Variants in ZNF273 observed in about 807,000 individuals in gnomAD.
The protein encoded by ZNF273 is zinc finger protein 9.
ZNF273 carries 11 observed loss-of-function variants against 14.9 expected under a neutral mutation model. That is an observed-to-expected ratio of 0.74 (90% CI 0.46 to 1.22). The LOEUF (loss-of-function observed/expected upper bound fraction) is 1.22, where lower values mean the gene tolerates loss of function less well. Among genes scored for constraint, ZNF273 ranks in the 50% most tolerant of loss-of-function variants. The pLI is 0.00. For synonymous variants in ZNF273, 199 were observed against 223.9 expected, an observed-to-expected ratio of 0.89 and a Z score of 0.99; for missense variants, 577 against 660.6, an observed-to-expected ratio of 0.87 and a Z score of 1.39.
chr7:64,915,643 A>C (rs1372466162), intron 1 of ZNF273, among the ~76,000 whole-genome samples: 1 of 152,056 alleles, frequency 6.6e-6, no homozygotes, highest in Admixed American at 6.6e-5. Context: ...TAAACCCACA[A>C]CCTTCCAGCG....
intron 1 of ZNF273, among the ~76,000 whole-genome samples, chr7:64,909,311 A>G (rs1053836637): frequency 3.3e-5 from 5 of 150,362 alleles, no homozygotes; most frequent in Admixed American, 6.7e-5. Flanking sequence ...TGCAGCCTCC[A>G]CCACCCAGGC....
At chr7:64,909,165 C>T (rs1397525397) in intron 1 of ZNF273, among the ~76,000 whole-genome samples, 1 of 152,012 alleles carries the variant, frequency 6.6e-6, no homozygotes, top group Admixed American at 6.6e-5. Flanking sequence ...AATCCAACTG[C>T]CTTGGCCTCC....
rs1433231569 is a variant in ZNF273, at chr7:64,928,971, A to G, written c.1643A>G (p.Asp548Gly). ...GEKPYKPKRC[D>G]SAFDNTPNFS... is the part of the protein sequence containing the mutation. ...AAACCATACAAACCTAAAAGATGTG[A>G]CAGTGCTTTTGACAACACCCCAAAC... is the stretch of plus-strand genomic sequence containing the variant. The change falls in exon 4 of 4, where the codon GAC (aspartate) becomes GGC (glycine). Residue 548 changes from aspartate to glycine, a missense_variant. Coordinates refer to ENST00000476120, the MANE Select transcript of ZNF273 (RefSeq NM_021148.3). The G allele has an allele frequency of 6.2e-7, 1 of 1,600,590 alleles. No homozygotes were observed. The highest frequency in any genetic ancestry group is 2.2e-5 in the East Asian group (1 of 44,788).
chr7:64,932,519 G>A (rs953367485), downstream of ZNF273, among the ~76,000 whole-genome samples: 14 of 152,058 alleles, frequency 9.2e-5, no homozygotes, highest in Non-Finnish European at 2.1e-4. Flanking sequence ...GGTGAGGCTG[G>A]TCGTGAACTC....
chr7:64,897,860 GGGACTACA>G (rs1192100884), exon 4 of ZNF273: 2 of 151,022 alleles, frequency 1.3e-5, no homozygotes, highest in African/African-American at 4.9e-5. Flanking sequence ...CCGAGTAGCT[GGGACTACA>G]GGCGCCTGCC....
downstream of ZNF273, chr7:64,880,374 T>C (rs1791212185): frequency 6.6e-6 from 1 of 152,062 alleles, no homozygotes; most frequent in Non-Finnish European, 1.5e-5. Flanking sequence ...ACAGCACTCT[T>C]GTATTCCCTG....
At chr7:64,893,411 G>T (rs889828147), downstream of ZNF273, 3 of 152,144 alleles carry the variant, frequency 2.0e-5, no homozygotes, top group Non-Finnish European at 4.4e-5. Context: ...TTTTCTTTCA[G>T]AAATCTTTAG....
intron 1 of ZNF273, among the ~76,000 whole-genome samples, chr7:64,906,454 A>G (rs1793116948): frequency 6.6e-6 from 1 of 152,200 alleles, no homozygotes; most frequent in Non-Finnish European, 1.5e-5. Context: ...TCTTCCCCTT[A>G]TATGATCACT....
chr7:64,923,875 A>G (rs1034650303), intron 3 of ZNF273: 1 of 151,842 alleles, frequency 6.6e-6, no homozygotes, highest in African/African-American at 2.4e-5. Flanking sequence ...GTAGCTTTGT[A>G]ATATGTTTTA....
intron 2 of ZNF273, among the ~76,000 whole-genome samples, chr7:64,917,951 A>T (rs1794130895): frequency 6.6e-6 from 1 of 152,156 alleles, no homozygotes; most frequent in South Asian, 2.1e-4. Flanking sequence ...TTAGTGGCAT[A>T]AAAGTTGCCC....
At position 64,928,664 on chromosome 7, in the gene ZNF273, A is replaced by G; in HGVS notation, c.1336A>G (p.Thr446Ala). 6.2e-7 allele frequency: 1 copy of G among 1,613,004 alleles called. No homozygotes were observed. Among genetic ancestry groups the G allele is most frequent in the Non-Finnish European group, 8.5e-7 (1 of 1,179,224 alleles). Residue 446 changes from threonine to alanine, a missense_variant, in exon 4 of 4, where the codon ACT (threonine) becomes GCT (alanine). This residue lies in a region of ZNF273 where 411 missense variants were observed against 440.4 expected (regional missense o/e 0.93). Coordinates refer to ENST00000476120, the MANE Select transcript of ZNF273 (RefSeq NM_021148.3). ...GKAFSVFSTL[T>A]KHKIIHTGAK... ...AGCCTTTAGTGTATTCTCAACCCTTACTAAACATAAGATAATTCATACTGG... is the reference window on the plus strand; with the variant it reads ...AGCCTTTAGTGTATTCTCAACCCTTGCTAAACATAAGATAATTCATACTGG...
upstream of ZNF273, chr7:64,903,133 T>G (rs561618119): frequency 6.1e-5 from 32 of 523,376 alleles, no homozygotes; most frequent in African/African-American, 6.0e-4. Flanking sequence ...GCCCAGCAAC[T>G]GAGCACACCT....
downstream of ZNF273, among the ~76,000 whole-genome samples, chr7:64,894,627 G>C (rs1274885016): frequency 6.6e-6 from 1 of 150,700 alleles, no homozygotes; most frequent in Non-Finnish European, 1.5e-5. Flanking sequence ...TTCTAAAAAA[G>C]TAAAATACTC....
downstream of ZNF273, chr7:64,880,181 T>G (rs1205623395): frequency 1.3e-5 from 2 of 152,250 alleles, no homozygotes; most frequent in African/African-American, 2.4e-5. Flanking sequence ...TGGGGATCCA[T>G]GGGATACTCC....
intron 3 of ZNF273, among the ~76,000 whole-genome samples, chr7:64,896,098 C>A (rs1446195357): frequency 6.6e-6 from 1 of 151,480 alleles, no homozygotes; most frequent in African/African-American, 2.4e-5. Context: ...CTAAATTCAA[C>A]AAAGTTGCAA....
chr7:64,900,157 C>G (rs191100557), upstream of ZNF273, among the ~76,000 whole-genome samples: 3 of 150,474 alleles, frequency 2.0e-5, no homozygotes, highest in African/African-American at 4.9e-5. Context: ...GACCAAGTCT[C>G]GCTCTGTCAC....
chr7:64,904,092 TTTTC>T (rs1792920391), intron 1 of ZNF273, among the ~76,000 whole-genome samples: 1 of 152,218 alleles, frequency 6.6e-6, no homozygotes, highest in Non-Finnish European at 1.5e-5. Context: ...TTAGATTTTT[TTTTC>T]TTTCTTTCTG....
chr7:64,928,154 A>T lies in ZNF273; in HGVS notation c.826A>T (p.Thr276Ser), dbSNP rs990561948. The T allele has an allele frequency of 8.7e-6, 14 of 1,613,310 alleles. No homozygotes were observed. Among genetic ancestry groups the T allele is most frequent in the Non-Finnish European group, 1.1e-5 (13 of 1,179,772 alleles). Residue 276 changes from threonine (T) to serine (S), a missense_variant, in exon 4 of 4, where the codon ACT becomes TCT. By Grantham distance (58) the Thr-to-Ser change is moderately conservative. Transcript: ENST00000476120. ...ECGKAFNQSL[T>S]LTKHKKIHTE... Reference sequence around the variant, plus strand: ...TGGCAAAGCCTTTAACCAGTCCTTAACTCTTACTAAACATAAAAAAATTCA... The same window carrying T: ...TGGCAAAGCCTTTAACCAGTCCTTATCTCTTACTAAACATAAAAAAATTCA...
chr7:64,930,919 T>C lies in ZNF273; in HGVS notation c.*1881T>C, dbSNP rs1315661284. Reference sequence around the variant, plus strand: ...AAATTGTTATGGACTACAGGGTTATTTTTATGGTCATAATAAAAATTACAA... The same window carrying C: ...AAATTGTTATGGACTACAGGGTTATCTTTATGGTCATAATAAAAATTACAA... On this transcript the variant is annotated 3_prime_UTR_variant, in exon 4 of 4. Coordinates refer to ENST00000476120, the MANE Select transcript of ZNF273 (RefSeq NM_021148.3). The C allele has an allele frequency of 2.0e-5, 3 of 152,138 alleles. No homozygotes were observed. The highest frequency in any genetic ancestry group is 2.9e-5 in the Non-Finnish European group (2 of 67,972). The allele number at this position is 152,138 out of a possible 1,614,324, so 9.4% of individuals were successfully genotyped here.
Sources: gnomAD v4.1 joint callset for allele counts (sites outside exome capture counted in the v4.1 genomes callset) on GRCh38, gnomAD v4.1.1 for gene constraint, gnomAD v4.1.1 regional missense constraint, MANE v1.5 for transcripts, NCBI Gene and HGNC (gene_info 2026-07-23, HGNC 2026-07-21) for gene names.